TECPR1: variants seen among roughly 807,000 people sequenced by gnomAD.
TECPR1 encodes tectonin beta-propeller repeat containing 1.
A neutral mutation model predicts 162.4 loss-of-function variants in TECPR1; 122 were observed. The observed-to-expected ratio is 0.75, with a 90% CI of 0.65 to 0.87. The LOEUF is 0.87. TECPR1 is among the 40% of genes least tolerant of loss of function. The pLI is 0.00. For synonymous variants in TECPR1, 642 were observed against 670.6 expected (o/e 0.96, Z 0.66); for missense variants, 1,432 against 1,618.2 (o/e 0.88, Z 1.97).
chr7:98,240,796 C>G (rs1798723124), intron 8 of TECPR1, 55 bp downstream of exon 8: 1 of 1,421,860 alleles, frequency 7.0e-7, no homozygotes, highest in Non-Finnish European at 9.6e-7. Context: ...TCACAGCTCA[C>G]TGCAGTCTCC....
intron 17 of TECPR1, chr7:98,226,746 C>A (rs1798288402): frequency 2.3e-6 from 2 of 873,662 alleles, no homozygotes; most frequent in Non-Finnish European, 3.2e-6. Flanking sequence ...CCAGCCTCAC[C>A]AACATGGTGA....
chr7:98,217,694 C>A lies in TECPR1; in HGVS notation c.3382G>T (p.Gly1128Trp). The change falls in exon 25 of 26, where the codon GGG (glycine) becomes TGG (tryptophan). Residue 1128 changes from glycine (G) to tryptophan (W), a missense_variant and splice_region_variant. Transcript: ENST00000447648. Reference protein sequence around the residue: ...PKGHGWDYGIGGGWDHISVRA... With the variant: ...PKGHGWDYGIWGGWDHISVRA... ...CCAAGGCCGCGGGCCCCGCTCACCC[C>A]GATGCCGTAGTCCCAGCCGTGGCCC... 6.5e-7 allele frequency: 1 copy of A among 1,542,706 alleles called. No homozygotes were observed. Among genetic ancestry groups the A allele is most frequent in the Non-Finnish European group, 8.8e-7 (1 of 1,142,810 alleles).
chr7:98,221,591 T>G (rs1798141824), intron 23 of TECPR1, 70 bp downstream of exon 23: 1 of 1,414,478 alleles, frequency 7.1e-7, no homozygotes. Flanking sequence ...CCTCCCAAAG[T>G]GCTGAGATTA....
chr7:98,225,226 C>T, intron 17 of TECPR1, 124 bp from the exon 18 acceptor site: 1 of 863,384 alleles, frequency 1.2e-6, no homozygotes, highest in East Asian at 2.7e-5. Context: ...CACCTCCAGG[C>T]ACTCGCACTC....
rs559054788 is a variant in TECPR1, at chr7:98,232,545, C to T, written c.1818+282G>A. Among the ~76,000 whole-genome samples the T allele has an allele frequency of 6.6e-6, 1 of 152,144 alleles. No homozygotes were observed. The highest frequency in any genetic ancestry group is 2.1e-4 in the South Asian group (1 of 4,814). On this transcript the variant is annotated intron_variant, in intron 12 of 25. Transcript: ENST00000447648. The surrounding 1 kb of genome is among the most constrained non-coding windows in gnomAD (Gnocchi z 4.6). ...GCAGGAAGAGGATGACGTGGTTCCCCTCCCTGGCCACCCTCCCTTCCCCAC... is the reference window on the plus strand; with the variant it reads ...GCAGGAAGAGGATGACGTGGTTCCCTTCCCTGGCCACCCTCCCTTCCCCAC...
Position 98,217,968 on chromosome 7 carries a change from C to A in TECPR1, c.3232G>T (p.Val1078Leu). 1 of 1,561,676 alleles carries A rather than the reference C, an allele frequency of 6.4e-7. No homozygotes were observed. The highest frequency in any genetic ancestry group is 8.7e-7 in the Non-Finnish European group (1 of 1,153,316). Residue 1078 changes from valine (V) to leucine (L), a missense_variant, in exon 24 of 26, where the codon GTG (valine) becomes TTG (leucine). Coordinates refer to ENST00000447648, the MANE Select transcript of TECPR1 (RefSeq NM_015395.3). ...GSSWEHVSNN[V>L]CRVSVGPLDQ... Reference sequence around the variant, plus strand: ...AGGGGCCCCACGGACACTCGGCACACGTTGTTGGACACGTGCTCCCAGCTG... The same window carrying A: ...AGGGGCCCCACGGACACTCGGCACAAGTTGTTGGACACGTGCTCCCAGCTG...
intron 1 of TECPR1, chr7:98,251,854 C>G (rs1402293350): frequency 6.6e-6 from 1 of 152,326 alleles, no homozygotes; most frequent in Non-Finnish European, 1.5e-5. Context: ...ATCCCGCGAT[C>G]CGCTTCTCCT....
chr7:98,234,254 G>A (rs1407128611), intron 10 of TECPR1, among the ~76,000 whole-genome samples: 1 of 152,210 alleles, frequency 6.6e-6, no homozygotes, highest in East Asian at 1.9e-4. Flanking sequence ...CCAGGTTCAA[G>A]CGATTCTCCT....
At chr7:98,250,006 T>C (rs553610245) in intron 2 of TECPR1, among the ~76,000 whole-genome samples, 1 of 151,958 alleles carries the variant, frequency 6.6e-6, no homozygotes, top group East Asian at 1.9e-4. Context: ...CTGCACACAG[T>C]GGGTGTTGAA....
chr7:98,222,936 A>G (rs1449615252), intron 21 of TECPR1, 54 bp downstream of exon 21: 3 of 1,590,890 alleles, frequency 1.9e-6, no homozygotes, highest in African/African-American at 2.7e-5. Flanking sequence ...GCCCTGCCGG[A>G]CTCCAGAGCA....
At chr7:98,243,417 C>T in intron 6 of TECPR1, 50 bp downstream of exon 6, 4 of 1,606,740 alleles carry the variant, frequency 2.5e-6, no homozygotes, top group Non-Finnish European at 3.4e-6. Context: ...ACAGGACCCA[C>T]AGGAGGTGGG....
chr7:98,217,418 G>C lies in TECPR1; in HGVS notation c.3470C>G (p.Pro1157Arg), dbSNP rs1212465503. 1.2e-6 allele frequency: 2 copies of C among 1,605,092 alleles called. No homozygotes were observed. Among genetic ancestry groups the C allele is most frequent in the African/African-American group, 2.7e-5 (2 of 74,832 alleles). Residue 1157 changes from proline (P) to arginine (R), a missense_variant, in exon 26 of 26, where the codon CCA (proline) becomes CGA (arginine). By Grantham distance (103) the Pro-to-Arg change is moderately radical. Transcript: ENST00000447648. Reference sequence around the variant, plus strand: ...GCAGCAGACGGGGCCATGGGCCTCTGGTGGGGCACTCGGCTCCTGCTCCTG... The same window carrying C: ...GCAGCAGACGGGGCCATGGGCCTCTCGTGGGGCACTCGGCTCCTGCTCCTG... ...SSQEQEPSAP[P>R]EAHGPVCC
At chr7:98,250,116 T>C (rs1224041516) in intron 2 of TECPR1, among the ~76,000 whole-genome samples, 3 of 152,062 alleles carry the variant, frequency 2.0e-5, no homozygotes, top group African/African-American at 7.2e-5. Context: ...ATGCCACAAA[T>C]AACTTGAAAA....
rs759194469 is a variant in TECPR1 at position 98,244,923 on chromosome 7, C to T, written c.370G>A (p.Val124Met). The T allele has an allele frequency of 8.1e-6, 13 of 1,612,984 alleles. No individual in the cohort carries two copies. Among genetic ancestry groups the T allele is most frequent in the Middle Eastern group, 1.6e-4 (1 of 6,084 alleles). ...PHWEWESDWYVDENFGGEPTE... is the reference protein window; with the variant it reads ...PHWEWESDWYMDENFGGEPTE... Reference sequence around the variant, plus strand: ...GGTTCACCTCCAAAATTCTCATCCACGTACCAGTCAGACTCCCACTCCCAG... The same window carrying T: ...GGTTCACCTCCAAAATTCTCATCCATGTACCAGTCAGACTCCCACTCCCAG... Residue 124 changes from valine (V) to methionine (M), a missense_variant, in exon 4 of 26, where the codon GTG (valine) becomes ATG (methionine). Physicochemically the swap from Val to Met is conservative, Grantham distance 21. Transcript: ENST00000447648.
chr7:98,236,919 C>A lies in TECPR1; in HGVS notation c.1038G>T (p.Val346=). ...CTCGGTCCTCACAGCCAATGCCCCA[C>A]ACCTGGAAGAGAGAGGCTGTGTTCC... is the stretch of plus-strand genomic sequence containing the variant. ...TMVNVGMNDQ[V]WGIGCEDRAV... Residue 346 remains valine, a splice_region_variant and synonymous_variant, in exon 10 of 26, where the codon GTG becomes GTT. Transcript: ENST00000447648. The A allele has an allele frequency of 6.4e-7, 1 of 1,553,576 alleles. No homozygotes were observed. The highest frequency in any genetic ancestry group is 8.7e-7 in the Non-Finnish European group (1 of 1,148,480).
At chr7:98,248,186 G>A (rs931521676) in intron 2 of TECPR1, among the ~76,000 whole-genome samples, 3 of 152,174 alleles carry the variant, frequency 2.0e-5, no homozygotes, top group South Asian at 2.1e-4. Flanking sequence ...TCTTTCCACC[G>A]TGGCAGGGCC....
At chr7:98,228,386 G>C in intron 16 of TECPR1, 1 of 437,644 alleles carries the variant, frequency 2.3e-6, no homozygotes, top group Non-Finnish European at 4.3e-6. Context: ...CCCCTCCAGC[G>C]CCTCTTCCCA....
Position 98,217,931 on chromosome 7 carries a change from C to A in TECPR1, c.3264+5G>T, listed in dbSNP as rs762851894. ...AAGTGCCCGATACCCCCTGAGCACC[C>A]CCACCTGGTCCAGGGGCCCCACGGA... On this transcript the variant is annotated splice_donor_5th_base_variant and intron_variant, in intron 24 of 25. Transcript: ENST00000447648. The A allele has an allele frequency of 3.2e-5, 49 of 1,552,348 alleles. No homozygotes were observed. The highest frequency in any genetic ancestry group is 4.3e-5 in the Non-Finnish European group (49 of 1,147,892).
chr7:98,229,979 T>C (rs1426579880), intron 15 of TECPR1, among the ~76,000 whole-genome samples: 2 of 146,118 alleles, frequency 1.4e-5, no homozygotes, highest in Non-Finnish European at 3.0e-5. Context: ...GGAACCTCAT[T>C]CCCCCTTTGT....
Sources: gnomAD v4.1 joint callset for allele counts (sites outside exome capture counted in the v4.1 genomes callset) on GRCh38, gnomAD v4.1.1 for gene constraint, Gnocchi (gnomAD v3.1) non-coding constraint, MANE v1.5 for transcripts, NCBI Gene and HGNC (gene_info 2026-07-23, HGNC 2026-07-21) for gene names.